The following SCNN1D variants were observed in gnomAD, a reference collection of about 807,000 sequenced individuals.
SCNN1D encodes the protein sodium channel epithelial 1 subunit delta.
Under a neutral mutation model 87.8 loss-of-function variants are expected in SCNN1D, and 104 were observed. The ratio of observed to expected loss-of-function variants is 1.18; its 90% confidence interval spans 1.01 to 1.39. The LOEUF (loss-of-function observed/expected upper bound fraction) is 1.39, where lower values mean the gene tolerates loss of function less well. Ranked by LOEUF, SCNN1D falls within the 40% of genes most tolerant of loss-of-function variation. SCNN1D has a pLI of 0.00. For synonymous variants in SCNN1D, 628 were observed against 481.2 expected (o/e 1.31, Z -3.99); for missense variants, 1,324 against 1,093.9 (o/e 1.21, Z -2.97).
chr1:1,282,783 T>G (rs1222872652), intron 4 of SCNN1D, among the ~76,000 whole-genome samples: 1 of 151,634 alleles, frequency 6.6e-6, no homozygotes, highest in Non-Finnish European at 1.5e-5. Context: ...GACGGAGTCT[T>G]GCTCTGTCGC....
chr1:1,287,878 G>A (rs919116581), intron 11 of SCNN1D, 42 bp downstream of exon 11: 17 of 1,516,864 alleles, frequency 1.1e-5, no homozygotes, highest in Non-Finnish European at 1.4e-5. Flanking sequence ...CAGGCCTCCT[G>A]CCCAACCTGG....
chr1:1,291,161 T>C (rs367644145), intron 17 of SCNN1D, 21 bp downstream of exon 17: 12 of 1,608,628 alleles, frequency 7.5e-6, no homozygotes, highest in Non-Finnish European at 9.3e-6. Flanking sequence ...GCCCCCTGCC[T>C]GGGCTAGAGC....
Position 1,291,361 on chromosome 1 carries a change from C to G in SCNN1D, c.2160C>G (p.Leu720=). The G allele has an allele frequency of 6.2e-7, 1 of 1,608,704 alleles. No individual in the cohort carries two copies. Among genetic ancestry groups the G allele is most frequent in the Admixed American group, 1.7e-5 (1 of 59,590 alleles). Residue 720 remains leucine (L), a synonymous_variant, in exon 18 of 18, where the codon CTC becomes CTG. Coordinates refer to ENST00000379116, the MANE Select transcript of SCNN1D (RefSeq NM_001130413.4). ...AGCTGCTGCTCGATGCTTCTGCCCT[C>G]ACCCTGGTGCTAGGCGGCCGCCGGC... is the stretch of plus-strand genomic sequence containing the variant. The part of the protein sequence containing the change: ...LLELLLDASA[L]TLVLGGRRLR...
chr1:1,290,355 G>A lies in SCNN1D; in HGVS notation c.1747G>A (p.Glu583Lys), dbSNP rs760088792. The change falls in exon 13 of 18, where the codon GAG becomes AAG. Residue 583 changes from glutamate (E) to lysine (K), a missense_variant. Physicochemically the swap from Glu to Lys is moderately conservative, Grantham distance 56 (BLOSUM62 1). Transcript: ENST00000379116. Reference sequence around the variant, plus strand: ...CCTCCACCCTCTGCCGGCGGGGGCTGAGTACTGCAGCTCTGCCCGGCACCC... The same window carrying A: ...CCTCCACCCTCTGCCGGCGGGGGCTAAGTACTGCAGCTCTGCCCGGCACCC... ...YYLHPLPAGA[E>K]YCSSARHPAW... 3.1e-5 allele frequency: 50 copies of A among 1,598,120 alleles called. No homozygotes were observed. The East Asian group carries it at 9.4e-4, about 30-fold the overall frequency.
At chr1:1,291,226 G>A (rs6689898) in intron 17 of SCNN1D, 28 bp from the exon 18 acceptor site, 381 of 1,567,242 alleles carry the variant, frequency 2.4e-4, no homozygotes, top group African/African-American at 2.3e-3. Context: ...GCCTGGGCCC[G>A]CCCCTCACAC....
chr1:1,289,949 C>T (rs553950669), intron 12 of SCNN1D, among the ~76,000 whole-genome samples: 6 of 63,366 alleles, frequency 9.5e-5, no homozygotes, highest in Non-Finnish European at 1.5e-4. Flanking sequence ...TGCTCCGTCC[C>T]GTGTCTCTGC....
In SCNN1D at chr1:1,291,096, C is replaced by G; in HGVS notation, c.2008C>G (p.Gln670Glu). 6.2e-7 allele frequency: 1 copy of G among 1,612,394 alleles called. No homozygotes were observed. The highest frequency in any genetic ancestry group is 1.1e-5 in the South Asian group (1 of 91,022). ...CCTGGCCAAAATCAACATCGTCTAC[C>G]AGGAGCTCAACTACCGCTCAGTGGA... is the stretch of plus-strand genomic sequence containing the variant. ...SSLAKINIVY[Q>E]ELNYRSVEEA... Residue 670 changes from glutamine to glutamate, a missense_variant, in exon 17 of 18, where the codon CAG becomes GAG. Coordinates refer to ENST00000379116, the MANE Select transcript of SCNN1D (RefSeq NM_001130413.4).
chr1:1,283,958 A>G lies in SCNN1D; in HGVS notation c.352-20A>G, dbSNP rs777478119. 1.6e-5 allele frequency: 23 copies of G among 1,425,542 alleles called. No individual in the cohort carries two copies. Among genetic ancestry groups the G allele is most frequent in the Non-Finnish European group, 2.0e-5 (22 of 1,079,324 alleles). 88.3% of individuals were successfully genotyped at this position (1,425,542 alleles called of 1,614,324 possible). A position where few individuals can be genotyped will look rare whatever the true frequency, so the allele number is the denominator to read the frequency against. On this transcript the variant is annotated intron_variant, in intron 4 of 17. Transcript: ENST00000379116. ...TCGCCTGCAGCACAGTCCCACGCCC[A>G]GCCAGCCTGTTTTAAATAGGAGGCC...
chr1:1,290,331 C>T lies in SCNN1D; in HGVS notation c.1723C>T (p.Leu575Phe). Residue 575 changes from leucine to phenylalanine, a missense_variant, in exon 13 of 18, where the codon CTC (leucine) becomes TTC (phenylalanine). Transcript: ENST00000379116. ...GGAGACCTGCTCCTGTGGCTACTAC[C>T]TCCACCCTCTGCCGGCGGGGGCTGA... ...MVETCSCGYY[L>F]HPLPAGAEYC... 1 of 1,595,902 alleles carries T rather than the reference C, an allele frequency of 6.3e-7. No homozygotes were observed. The highest frequency in any genetic ancestry group is 8.5e-7 in the Non-Finnish European group (1 of 1,169,626).
chr1:1,290,573 G>C lies in SCNN1D; in HGVS notation c.1859+18G>C, dbSNP rs748615086. On this transcript the variant is annotated intron_variant, in intron 14 of 17. Coordinates refer to ENST00000379116, the MANE Select transcript of SCNN1D (RefSeq NM_001130413.4). The stretch of plus-strand genomic sequence containing the variant: ...CCCTGCAGGTGAGACGGGGGTGTTG[G>C]GGTCGCGGCCAGGGATCATTGCCCC... The C allele has an allele frequency of 3.7e-6, 6 of 1,612,616 alleles. No homozygotes were observed. Among genetic ancestry groups the C allele is most frequent in the Non-Finnish European group, 3.4e-6 (4 of 1,179,902 alleles).
chr1:1,290,461 C>T lies in SCNN1D; in HGVS notation c.1781-16C>T. On this transcript the variant is annotated splice_polypyrimidine_tract_variant and intron_variant, in intron 13 of 17. Transcript: ENST00000379116. ...GTCACAGCGAGCCTCACACATGCCT[C>T]TGACCCCTCCCCAAGGACACTGCTT... 6.2e-7 allele frequency: 1 copy of T among 1,612,586 alleles called. No individual in the cohort carries two copies. Among genetic ancestry groups the T allele is most frequent in the Non-Finnish European group, 8.5e-7 (1 of 1,179,834 alleles).
Position 1,287,288 on chromosome 1 carries a change from C to T in SCNN1D, c.1299C>T (p.Asp433=). The part of the protein sequence containing the change: ...FVLSCSYDGL[D]CQARQFRTFH... Reference sequence around the variant, plus strand: ...TCTCCTGCAGTTACGATGGCCTGGACTGCCAGGCCCGGTGAGTGTGGCGGG... The same window carrying T: ...TCTCCTGCAGTTACGATGGCCTGGATTGCCAGGCCCGGTGAGTGTGGCGGG... The change falls in exon 9 of 18, where the codon GAC becomes GAT. Residue 433 remains aspartate, a synonymous_variant. Transcript: ENST00000379116. 1.9e-6 allele frequency: 3 copies of T among 1,594,596 alleles called. No individual in the cohort carries two copies. Among genetic ancestry groups the T allele is most frequent in the South Asian group, 2.2e-5 (2 of 89,342 alleles).
chr1:1,288,263 CT>C (rs1557584354), intron 12 of SCNN1D, among the ~76,000 whole-genome samples: 15 of 97,666 alleles, frequency 1.5e-4, no homozygotes, highest in African/African-American at 3.6e-4. Flanking sequence ...CGTCCCGTGT[CT>C]CTGCTCCGTC....
chr1:1,290,146 T>C (rs1570612412), intron 12 of SCNN1D, 125 bp from the exon 13 acceptor site: 1 of 459,354 alleles, frequency 2.2e-6, no homozygotes, highest in Non-Finnish European at 3.5e-6. Flanking sequence ...CTCTGCTCCG[T>C]CCCGTGTCTC....
At chr1:1,282,638 T>C (rs996659471) in intron 4 of SCNN1D, among the ~76,000 whole-genome samples, 4 of 152,112 alleles carry the variant, frequency 2.6e-5, no homozygotes, top group Non-Finnish European at 5.9e-5. Context: ...GGTCTTAGCA[T>C]GTGTGAGGTC....
Position 1,290,884 on chromosome 1 carries a change from T to C in SCNN1D, c.1918-11T>C, listed in dbSNP as rs1389512832. 1 of 1,609,392 alleles carries C rather than the reference T, an allele frequency of 6.2e-7. No individual in the cohort carries two copies. The highest frequency in any genetic ancestry group is 1.3e-5 in the African/African-American group (1 of 74,822). ...GGGGAGCCGTGGCCACAGCAAACCT[T>C]CCGTCTGCAGGGATGGACTCTGGCC... On this transcript the variant is annotated splice_polypyrimidine_tract_variant and intron_variant, in intron 15 of 17. Coordinates refer to ENST00000379116, the MANE Select transcript of SCNN1D (RefSeq NM_001130413.4).
At chr1:1,288,627 C>CCCCGTGTCTCTGCCCCGT (rs1454509858) in intron 12 of SCNN1D, among the ~76,000 whole-genome samples, 2 of 31,162 alleles carry the variant, frequency 6.4e-5, no homozygotes, top group Admixed American at 2.8e-4. Flanking sequence ...CTGCTCCGTC[C>CCCCGTGTCTCTGCCCCGT]CCCGTGTCTC....
At position 1,287,678 on chromosome 1, in the gene SCNN1D, G is replaced by T; in HGVS notation, c.1405G>T (p.Gly469Cys). 6.2e-7 allele frequency: 1 copy of T among 1,611,710 alleles called. No individual in the cohort carries two copies. The highest frequency in any genetic ancestry group is 8.5e-7 in the Non-Finnish European group (1 of 1,179,490). Residue 469 changes from glycine (G) to cysteine (C), a missense_variant, in exon 11 of 18, where the codon GGC becomes TGC. Coordinates refer to ENST00000379116, the MANE Select transcript of SCNN1D (RefSeq NM_001130413.4). Reference protein sequence around the residue: ...AQRPGITHGVGLVLRVEQQPH... With the variant: ...AQRPGITHGVCLVLRVEQQPH... The stretch of plus-strand genomic sequence containing the variant: ...ACCAGCCCTTGGCCTCCCAGGAGTC[G>T]GCCTGGTCCTCAGGGTTGAGCAGCA...
rs748667748 is a variant in SCNN1D, at chr1:1,286,895, C to T, written c.1039C>T (p.Pro347Ser). ...ALSATVPRHE[P>S]PFHLDREIRL... ...CTCCGCCACTGTCCCCCGCCACGAGCCCCCCTTCCACCTGGACCGGGAGAT... is the reference window on the plus strand; with the variant it reads ...CTCCGCCACTGTCCCCCGCCACGAGTCCCCCTTCCACCTGGACCGGGAGAT... Residue 347 changes from proline to serine, a missense_variant, in exon 8 of 18, where the codon CCC (proline) becomes TCC (serine). Transcript: ENST00000379116. The T allele has an allele frequency of 6.2e-7, 1 of 1,612,564 alleles. No individual in the cohort carries two copies. Among genetic ancestry groups the T allele is most frequent in the Admixed American group, 1.7e-5 (1 of 60,002 alleles).
Sources: allele counts gnomAD v4.1 joint callset (sites outside exome capture counted in the v4.1 genomes callset), GRCh38; gene constraint gnomAD v4.1.1; transcripts MANE v1.5; gene names NCBI Gene and HGNC (gene_info 2026-07-23, HGNC 2026-07-21).